ELOVL5: variants seen among roughly 807,000 people sequenced by gnomAD.
ELOVL5 encodes ELOVL fatty acid elongase 5.
A neutral mutation model predicts 38.6 loss-of-function variants in ELOVL5; 8 were observed. The observed-to-expected ratio is 0.21, with a 90% confidence interval of 0.12 to 0.37. ELOVL5 has a LOEUF of 0.37. ELOVL5 is among the 10% of genes least tolerant of loss of function. The probability of loss-of-function intolerance (pLI) is 1.00; values close to 1 mark genes in which losing one functional copy is unlikely to be tolerated. For synonymous variants in ELOVL5, 127 were observed against 133.7 expected (o/e 0.95, Z 0.34); for missense variants, 280 against 367.8 (o/e 0.76, Z 1.95).
In ELOVL5 at chr6:53,269,902, C is replaced by A. The variant is rs139169438; in HGVS notation, c.757-632G>T. Among the ~76,000 whole-genome samples the A allele has an allele frequency of 3.8e-3, 583 of 152,344 alleles. 2 individuals carry two copies. Among genetic ancestry groups the A allele is most frequent in the African/African-American group, 0.012 (516 of 41,576 alleles). On this transcript the variant is annotated intron_variant, in intron 7 of 7. Transcript: ENST00000304434. ...GCACAGAAGAAGAAAGGACAAATGTCTGAGCCTCGGGACTTGCAGCCTCTG... is the reference window on the plus strand; with the variant it reads ...GCACAGAAGAAGAAAGGACAAATGTATGAGCCTCGGGACTTGCAGCCTCTG...
intron 3 of ELOVL5, chr6:53,287,925 G>C: frequency 6.5e-7 from 1 of 1,535,670 alleles, no homozygotes; most frequent in African/African-American, 1.4e-5. Flanking sequence ...CAGATCGACG[G>C]GGTTGCTCCC....
At chr6:53,288,920 GC>G (rs1035941507) in intron 3 of ELOVL5, among the ~76,000 whole-genome samples, 1 of 152,062 alleles carries the variant, frequency 6.6e-6, no homozygotes, top group African/African-American at 2.4e-5. Context: ...ACAAAACTTA[GC>G]TAGACGTGGT....
At chr6:53,338,185 T>C (rs529510405) in intron 1 of ELOVL5, among the ~76,000 whole-genome samples, 8 of 152,294 alleles carry the variant, frequency 5.3e-5, no homozygotes, top group African/African-American at 1.9e-4. Context: ...TTGCAACTGT[T>C]TGCCTACATT....
chr6:53,332,875 C>T (rs1449689575), intron 1 of ELOVL5, among the ~76,000 whole-genome samples: 12 of 152,224 alleles, frequency 7.9e-5, no homozygotes, highest in Admixed American at 7.2e-4. Flanking sequence ...CAAAAGGGTA[C>T]AGCTACAGGG....
chr6:53,276,390 A>G (rs1386737388), intron 3 of ELOVL5, 134 bp from the exon 4 acceptor site: 7 of 630,938 alleles, frequency 1.1e-5, no homozygotes, highest in South Asian at 1.9e-5. Flanking sequence ...AGAAAAAACA[A>G]TTGTAGGCAA....
chr6:53,335,645 A>T (rs1769029722), intron 1 of ELOVL5, among the ~76,000 whole-genome samples: 1 of 151,992 alleles, frequency 6.6e-6, no homozygotes, highest in Non-Finnish European at 1.5e-5. Context: ...GTGAGTGGGG[A>T]CTGCTGGTCT....
chr6:53,272,946 A>G (rs1395704124), intron 6 of ELOVL5, among the ~76,000 whole-genome samples: 1 of 152,232 alleles, frequency 6.6e-6, no homozygotes, highest in Non-Finnish European at 1.5e-5. Context: ...ATATGTGCTT[A>G]TGTGCAAAAA....
intron 1 of ELOVL5, among the ~76,000 whole-genome samples, chr6:53,300,244 C>G (rs1278233224): frequency 6.6e-6 from 1 of 152,142 alleles, no homozygotes; most frequent in Admixed American, 6.5e-5. Context: ...AAAGCTTCAT[C>G]ATTTACTCAA....
chr6:53,274,985 G>T, intron 5 of ELOVL5, 105 bp downstream of exon 5: 2 of 1,114,778 alleles, frequency 1.8e-6, no homozygotes, highest in Non-Finnish European at 2.6e-6. Flanking sequence ...AAAGCTGAAA[G>T]CCTGACCTAG....
At chr6:53,284,313 T>A (rs116223609) in intron 3 of ELOVL5, among the ~76,000 whole-genome samples, 1,093 of 53,228 alleles carry the variant, frequency 0.021, 13 homozygotes, top group African/African-American at 0.12. Context: ...TTTTTTTTTT[T>A]TAAAAAAAAA....
At chr6:53,312,623 G>T (rs1767889868) in intron 1 of ELOVL5, among the ~76,000 whole-genome samples, 1 of 152,156 alleles carries the variant, frequency 6.6e-6, no homozygotes, top group Admixed American at 6.5e-5. Context: ...GTGATATTGT[G>T]CTGCAGTCCT....
At chr6:53,292,973 C>T (rs979657683) in intron 2 of ELOVL5, among the ~76,000 whole-genome samples, 1 of 152,094 alleles carries the variant, frequency 6.6e-6, no homozygotes, top group African/African-American at 2.4e-5. Context: ...TTTTCTTAGG[C>T]AGGGAGGAGG....
At chr6:53,346,194 G>A (rs1229602835) in intron 1 of ELOVL5, among the ~76,000 whole-genome samples, 3 of 152,120 alleles carry the variant, frequency 2.0e-5, no homozygotes, top group Non-Finnish European at 4.4e-5. Flanking sequence ...AGTCTGCTGA[G>A]GATGATGGTT....
At chr6:53,346,674 AC>A (rs575213702) in intron 1 of ELOVL5, among the ~76,000 whole-genome samples, 2 of 152,226 alleles carry the variant, frequency 1.3e-5, no homozygotes, top group South Asian at 4.1e-4. Context: ...CTCTCTCTTC[AC>A]ACTAACTACC....
chr6:53,332,897 A>G (rs1752277369), intron 1 of ELOVL5, among the ~76,000 whole-genome samples: 1 of 152,222 alleles, frequency 6.6e-6, no homozygotes, highest in African/African-American at 2.4e-5. Flanking sequence ...GGCTTGGGCC[A>G]CTATGTGCCC....
Position 53,291,804 on chromosome 6 carries a change from G to T in ELOVL5, c.218C>A (p.Thr73Lys). ...GILVVYNLGL[T>K]LLSLYMFCEL... ...ACAGAACATATACAGAGACAGCAGTGTGAGTCCAAGGTTATACACCACTAA... is the reference window on the plus strand; with the variant it reads ...ACAGAACATATACAGAGACAGCAGTTTGAGTCCAAGGTTATACACCACTAA... Residue 73 changes from threonine to lysine, a missense_variant, in exon 3 of 8, where the codon ACA becomes AAA. By Grantham distance (78) the Thr-to-Lys change is moderately conservative. Around this residue, in one of 3 missense-constraint regions of ELOVL5, gnomAD observed 150 missense variants for 178.0 expected, o/e 0.84. Coordinates refer to ENST00000304434, the MANE Select transcript of ELOVL5 (RefSeq NM_021814.5). 6.2e-7 allele frequency: 1 copy of T among 1,612,850 alleles called. No homozygotes were observed. Among genetic ancestry groups the T allele is most frequent in the Non-Finnish European group, 8.5e-7 (1 of 1,179,570 alleles).
intron 2 of ELOVL5, chr6:53,294,641 CT>C: frequency 8.2e-7 from 1 of 1,220,298 alleles, no homozygotes; most frequent in Non-Finnish European, 1.1e-6. Context: ...TTTTTTGTCC[CT>C]TACAGCTAAA....
chr6:53,303,808 C>T (rs9463899), intron 1 of ELOVL5, among the ~76,000 whole-genome samples: 3,324 of 152,302 alleles, frequency 0.022, 131 homozygotes, highest in African/African-American at 0.076. Context: ...TTTTAACCAT[C>T]GCTGGAGAAG....
chr6:53,282,135 G>A (rs1027021462), intron 3 of ELOVL5, among the ~76,000 whole-genome samples: 2 of 152,224 alleles, frequency 1.3e-5, no homozygotes, highest in African/African-American at 4.8e-5. Context: ...ACATAAGGTA[G>A]GCACTATCTG....
Sources: allele counts gnomAD v4.1 joint callset (sites outside exome capture counted in the v4.1 genomes callset), GRCh38; gene constraint gnomAD v4.1.1; regional missense constraint gnomAD v4.1.1; transcripts MANE v1.5; gene names NCBI Gene and HGNC (gene_info 2026-07-23, HGNC 2026-07-21).